CAST: variants seen among roughly 807,000 people sequenced by gnomAD.
CAST encodes calpastatin, also known as MIR583 host.
CAST carries 76 observed loss-of-function variants against 119.6 expected under a neutral mutation model. That is an observed-to-expected ratio of 0.64 (90% CI 0.53 to 0.77). The LOEUF (loss-of-function observed/expected upper bound fraction) is 0.77. CAST is among the 30% of genes least tolerant of loss of function. The pLI, the probability that CAST is intolerant of heterozygous loss-of-function variation, is 0.00. For synonymous variants in CAST, 319 were observed against 331.6 expected (o/e 0.96, Z 0.41); for missense variants, 953 against 946.5 (o/e 1.01, Z -0.09).
intron 4 of CAST, among the ~76,000 whole-genome samples, chr5:96,724,538 GT>G (rs1561526640): frequency 6.6e-6 from 1 of 152,032 alleles, no homozygotes; most frequent in Non-Finnish European, 1.5e-5. Flanking sequence ...CAAAATAAAA[GT>G]TCTCATTAAG....
At chr5:96,020,896 G>T in the CAST span, among the ~76,000 whole-genome samples, 29 of 125,324 alleles carry the variant, frequency 2.3e-4, no homozygotes, top group South Asian at 1.7e-3. Flanking sequence ...GTACCAAAAA[G>T]GTTGGGAACT....
the CAST span, among the ~76,000 whole-genome samples, chr5:96,475,122 T>A: frequency 3.3e-5 from 5 of 152,136 alleles, no homozygotes; most frequent in Non-Finnish European, 5.9e-5. Flanking sequence ...TCTCTCCTCA[T>A]CCGTCCCTGC....
At chr5:96,707,838 A>G (rs1450750173) in intron 3 of CAST, among the ~76,000 whole-genome samples, 1 of 152,078 alleles carries the variant, frequency 6.6e-6, no homozygotes, top group Non-Finnish European at 1.5e-5. Flanking sequence ...GACCTAGACC[A>G]CACCTCAGGG....
At chr5:96,415,423 A>G in the CAST span, among the ~76,000 whole-genome samples, 1 of 152,186 alleles carries the variant, frequency 6.6e-6, no homozygotes, top group Admixed American at 6.5e-5. Flanking sequence ...AGGTGATAAC[A>G]TCTGCCTACC....
the CAST span, among the ~76,000 whole-genome samples, chr5:96,398,345 G>A: frequency 7.9e-5 from 12 of 152,042 alleles, no homozygotes; most frequent in African/African-American, 2.4e-4. Flanking sequence ...TATGGTTCAC[G>A]AGCTCTTTCC....
chr5:96,485,017 CA>C, the CAST span, among the ~76,000 whole-genome samples: 3 of 152,106 alleles, frequency 2.0e-5, no homozygotes, highest in Non-Finnish European at 4.4e-5. Context: ...AAGTTCTGAG[CA>C]GAACTTCTAC....
chr5:96,570,008 ACAT>A (rs1464557498), intron 1 of CAST, among the ~76,000 whole-genome samples: 2 of 152,222 alleles, frequency 1.3e-5, no homozygotes. Flanking sequence ...CATCTGACTG[ACAT>A]CATAGTGACA....
chr5:96,542,048 C>T (rs1281230279), intron 1 of CAST, among the ~76,000 whole-genome samples: 2 of 152,174 alleles, frequency 1.3e-5, no homozygotes, highest in Non-Finnish European at 2.9e-5. Context: ...CGGTGGCTCA[C>T]GCCTGTAATC....
intron 22 of CAST, among the ~76,000 whole-genome samples, chr5:96,756,111 T>C (rs1376825628): frequency 6.6e-6 from 1 of 152,208 alleles, no homozygotes; most frequent in Non-Finnish European, 1.5e-5. Context: ...TTTCAGGCAC[T>C]AGCTTCATCT....
chr5:95,978,397 C>T, the CAST span, among the ~76,000 whole-genome samples: 1 of 152,178 alleles, frequency 6.6e-6, no homozygotes, highest in Admixed American at 6.5e-5. Flanking sequence ...CTCTAATGAT[C>T]AGTGAAGTTG....
the CAST span, among the ~76,000 whole-genome samples, chr5:96,481,123 TAAA>T: frequency 6.8e-6 from 1 of 147,160 alleles, no homozygotes; most frequent in Non-Finnish European, 1.5e-5. Flanking sequence ...TTTTTTTTTT[TAAA>T]GGAGCTCCTC....
At chr5:96,103,561 T>C in the CAST span, among the ~76,000 whole-genome samples, 4 of 150,476 alleles carry the variant, frequency 2.7e-5, no homozygotes, top group Non-Finnish European at 6.0e-5. Context: ...TAGTATTCCA[T>C]GGTGTATATG....
chr5:96,334,649 G>C, the CAST span, among the ~76,000 whole-genome samples: 1 of 152,150 alleles, frequency 6.6e-6, no homozygotes. Flanking sequence ...TAGCCACACA[G>C]TAGGCATAGT....
At chr5:96,701,148 G>A (rs1753844760) in intron 3 of CAST, among the ~76,000 whole-genome samples, 2 of 152,106 alleles carry the variant, frequency 1.3e-5, no homozygotes, top group Admixed American at 1.3e-4. Context: ...GGCTGGTCTG[G>A]AACTCCTGAG....
the CAST span, among the ~76,000 whole-genome samples, chr5:96,348,085 G>A: frequency 6.6e-6 from 1 of 152,172 alleles, no homozygotes; most frequent in African/African-American, 2.4e-5. Flanking sequence ...GAGTCATTAA[G>A]TAAGCTGAAA....
intron 1 of CAST, among the ~76,000 whole-genome samples, chr5:96,533,839 CT>C (rs1200728638): frequency 3.3e-5 from 5 of 152,146 alleles, no homozygotes; most frequent in Admixed American, 6.5e-5. Context: ...GGGATAGGCA[CT>C]TGTGCAATTG....
chr5:96,534,785 GA>G (rs1205820184), intron 1 of CAST, among the ~76,000 whole-genome samples: 5 of 110,372 alleles, frequency 4.5e-5, no homozygotes, highest in African/African-American at 1.1e-4. Flanking sequence ...AAGAAAGAAA[GA>G]AAGAAAGAAA....
the CAST span, among the ~76,000 whole-genome samples, chr5:96,354,433 A>G: frequency 6.6e-6 from 1 of 152,148 alleles, no homozygotes; most frequent in Non-Finnish European, 1.5e-5. Context: ...ACTGATTGGT[A>G]TTGACCGCAT....
chr5:96,742,446 G>A lies in CAST; in HGVS notation c.1099-209G>A, dbSNP rs1762885765. On this transcript the variant is annotated intron_variant, in intron 15 of 31. Transcript: ENST00000675179. ...TGCCCCAGAGAACGCTGTTACTGTA[G>A]AAACGTGTCTTAGCCCCAATTTCCA... 12 of 547,086 alleles carry A rather than the reference G, an allele frequency of 2.2e-5. No individual in the cohort carries two copies. In the South Asian group the frequency reaches 2.4e-4, roughly 11 times the overall value. 33.9% of individuals were successfully genotyped at this position (547,086 alleles called of 1,614,324 possible).
Sources: allele counts gnomAD v4.1 joint callset (sites outside exome capture counted in the v4.1 genomes callset), GRCh38; gene constraint gnomAD v4.1.1; transcripts MANE v1.5; gene names NCBI Gene and HGNC (gene_info 2026-07-23, HGNC 2026-07-21).